RTL4: variants seen among roughly 807,000 people sequenced by gnomAD.
The protein encoded by RTL4 is retrotransposon Gag-like protein 4.
RTL4 carries 4 observed loss-of-function variants against 5.3 expected under a neutral mutation model. That is an observed-to-expected ratio of 0.75 (90% CI 0.37 to 1.72). The LOEUF is 1.72. Ranked by LOEUF, RTL4 falls within the 40% of genes most tolerant of loss-of-function variation. The pLI is 0.04. For synonymous variants in RTL4, 98 were observed against 87.3 expected (o/e 1.12, Z -0.68); for missense variants, 260 against 227.1 (o/e 1.14, Z -0.93).
chrX:112,419,575 G>GTATA, the RTL4 span, among the ~76,000 whole-genome samples: 1 of 46,274 alleles, frequency 2.2e-5, no homozygotes, highest in African/African-American at 9.9e-5. Flanking sequence ...GGCCAAGGTA[G>GTATA]TATATATATA....
At chrX:112,388,068 AT>A in the RTL4 span, among the ~76,000 whole-genome samples, 1 of 111,852 alleles carries the variant, frequency 8.9e-6, no homozygotes, top group Middle Eastern at 4.7e-3. Context: ...AATGTTTTCC[AT>A]TTGTTTCTGT....
At chrX:112,098,443 A>G in the RTL4 span, among the ~76,000 whole-genome samples, 1 of 111,734 alleles carries the variant, frequency 8.9e-6, no homozygotes, top group South Asian at 3.7e-4. Context: ...TCTTTATAGC[A>G]GCATGATTTA....
At chrX:112,248,179 C>T in the RTL4 span, among the ~76,000 whole-genome samples, 1 of 112,188 alleles carries the variant, frequency 8.9e-6, no homozygotes. Context: ...CCAAGAAAAA[C>T]TTGAAATTTC....
chrX:112,090,308 C>A, the RTL4 span, among the ~76,000 whole-genome samples: 3 of 110,702 alleles, frequency 2.7e-5, no homozygotes, highest in African/African-American at 9.8e-5. Context: ...ATGTGGATAA[C>A]CTTGTCTTGT....
chrX:112,110,229 A>C, the RTL4 span, among the ~76,000 whole-genome samples: 2 of 112,348 alleles, frequency 1.8e-5, no homozygotes, highest in African/African-American at 6.5e-5. Context: ...AAGAAGGTGC[A>C]AAGTCCTCCT....
the RTL4 span, among the ~76,000 whole-genome samples, chrX:112,301,788 CCT>C: frequency 1.8e-5 from 2 of 109,046 alleles, no homozygotes; most frequent in African/African-American, 3.3e-5. Context: ...CATAATGAGC[CCT>C]GTCTTTAAAA....
chrX:112,337,140 G>A, the RTL4 span, among the ~76,000 whole-genome samples: 1 of 111,654 alleles, frequency 9.0e-6, no homozygotes, highest in Admixed American at 9.5e-5. Flanking sequence ...AAAGTATGTC[G>A]CTTTGATTTT....
the RTL4 span, among the ~76,000 whole-genome samples, chrX:112,310,009 C>A: frequency 1.9e-5 from 2 of 104,261 alleles, no homozygotes; most frequent in Admixed American, 1.1e-4. Context: ...GACCCGAGAT[C>A]GTGCCACTGC....
At chrX:112,443,069 C>T in the RTL4 span, among the ~76,000 whole-genome samples, 1 of 111,740 alleles carries the variant, frequency 8.9e-6, no homozygotes, top group African/African-American at 3.3e-5. Flanking sequence ...ACCAACAACA[C>T]CCAACCCCAC....
the RTL4 span, among the ~76,000 whole-genome samples, chrX:112,335,361 AAAAG>A: frequency 8.9e-6 from 1 of 111,754 alleles, no homozygotes; most frequent in Non-Finnish European, 1.9e-5. Flanking sequence ...ATCCTCTCCT[AAAAG>A]AAAGAAAGAA....
the RTL4 span, among the ~76,000 whole-genome samples, chrX:112,331,891 A>G: frequency 7.3e-5 from 7 of 95,429 alleles, 1 homozygote; most frequent in Admixed American, 6.0e-4. Context: ...CATCATTCTC[A>G]GTAAACTATC....
At chrX:112,450,386 G>A (rs192279256), upstream of RTL4, among the ~76,000 whole-genome samples, 7 of 111,960 alleles carry the variant, frequency 6.3e-5, no homozygotes, top group African/African-American at 2.3e-4. Context: ...GACCTTGTCC[G>A]AGCTCACAAG....
the RTL4 span, among the ~76,000 whole-genome samples, chrX:112,447,081 G>A: frequency 9.0e-6 from 1 of 111,525 alleles, no homozygotes; most frequent in Non-Finnish European, 1.9e-5. Flanking sequence ...GGGACAACAG[G>A]ACTGCAATAA....
At chrX:112,218,841 TG>T in the RTL4 span, among the ~76,000 whole-genome samples, 49 of 112,404 alleles carry the variant, frequency 4.4e-4, no homozygotes, top group Non-Finnish European at 4.7e-4. Context: ...GCCATAGTTG[TG>T]GGTGACTGAT....
At chrX:112,387,287 T>C in the RTL4 span, among the ~76,000 whole-genome samples, 1 of 111,564 alleles carries the variant, frequency 9.0e-6, no homozygotes, top group African/African-American at 3.3e-5. Context: ...ACTTTGTGGG[T>C]TGTCTGTTTA....
the RTL4 span, among the ~76,000 whole-genome samples, chrX:112,117,146 C>A: frequency 3.2e-4 from 34 of 107,228 alleles, no homozygotes; most frequent in Admixed American, 1.2e-3. Flanking sequence ...TTATATGGTA[C>A]ATACACTATT....
chrX:112,234,008 C>T, the RTL4 span, among the ~76,000 whole-genome samples: 15 of 109,955 alleles, frequency 1.4e-4, no homozygotes, highest in Admixed American at 1.1e-3. Context: ...CTGGCTAACA[C>T]AGTGAAACCC....
the RTL4 span, among the ~76,000 whole-genome samples, chrX:112,447,650 A>G: frequency 3.6e-5 from 4 of 112,110 alleles, no homozygotes; most frequent in Non-Finnish European, 7.5e-5. Flanking sequence ...CCTTGCCTAT[A>G]TCACATTTTA....
the RTL4 span, among the ~76,000 whole-genome samples, chrX:112,353,916 T>A: frequency 9.0e-6 from 1 of 111,503 alleles, no homozygotes; most frequent in African/African-American, 3.3e-5. Context: ...ATGATTTTTT[T>A]AAAATTAATC....
Sources: gnomAD v4.1 joint callset for allele counts (sites outside exome capture counted in the v4.1 genomes callset) on GRCh38, gnomAD v4.1.1 for gene constraint, MANE v1.5 for transcripts, NCBI Gene and HGNC (gene_info 2026-07-23, HGNC 2026-07-21) for gene names.